The following NCALD variants were observed in gnomAD, a reference collection of about 807,000 sequenced individuals.
NCALD encodes the protein neurocalcin-delta.
Under a neutral mutation model 18.6 loss-of-function variants are expected in NCALD, and 10 were observed. That is an observed-to-expected ratio of 0.54 (90% CI 0.33 to 0.91). The LOEUF (loss-of-function observed/expected upper bound fraction) is 0.91. NCALD is among the 40% of genes least tolerant of loss of function. The pLI, the probability that NCALD is intolerant of heterozygous loss-of-function variation, is 0.03. For synonymous variants in NCALD, 88 were observed against 87.4 expected (o/e 1.01, Z -0.04); for missense variants, 184 against 247.6 (o/e 0.74, Z 1.72).
intron 4 of NCALD, among the ~76,000 whole-genome samples, chr8:101,819,329 A>C (rs1005192093): frequency 1.3e-5 from 2 of 151,498 alleles, no homozygotes; most frequent in South Asian, 2.1e-4. Flanking sequence ...TAAATGCCAA[A>C]TAGTAGCTTA....
intron 2 of NCALD, among the ~76,000 whole-genome samples, chr8:101,923,896 T>G (rs1190566835): frequency 6.6e-6 from 1 of 152,208 alleles, no homozygotes; most frequent in Non-Finnish European, 1.5e-5. Flanking sequence ...GGGCTGATAA[T>G]GTTATTAGAA....
intron 2 of NCALD, among the ~76,000 whole-genome samples, chr8:102,006,118 A>G (rs1821702228): frequency 6.6e-6 from 1 of 152,146 alleles, no homozygotes; most frequent in African/African-American, 2.4e-5. Flanking sequence ...GTCGCTCTCA[A>G]AATCCATGAT....
chr8:101,989,303 C>T lies in NCALD; in HGVS notation c.-157+30934G>A, dbSNP rs117387323. On this transcript the variant is annotated intron_variant, in intron 2 of 6. Coordinates refer to the NCALD transcript ENST00000311028. The stretch of plus-strand genomic sequence containing the variant: ...GGCCCTGGATGTATTCACTACAGCC[C>T]TTTGAAAAATATTCTGGCAATGTGT... 3.2e-3 allele frequency among the ~76,000 whole-genome samples: 492 copies of T among 152,256 alleles called. 3 individuals carry two copies. Among genetic ancestry groups the T allele is most frequent in the Non-Finnish European group, 5.2e-3 (356 of 68,020 alleles).
At chr8:101,861,229 A>T (rs1343347359) in intron 4 of NCALD, among the ~76,000 whole-genome samples, 1 of 152,034 alleles carries the variant, frequency 6.6e-6, no homozygotes, top group Non-Finnish European at 1.5e-5. Flanking sequence ...GAAAACTAAT[A>T]TGGGCAACTT....
At chr8:101,841,287 G>C (rs1486689570) in intron 4 of NCALD, among the ~76,000 whole-genome samples, 1 of 152,162 alleles carries the variant, frequency 6.6e-6, no homozygotes, top group Non-Finnish European at 1.5e-5. Flanking sequence ...CTCACAGGGA[G>C]GCTGTGAGAA....
chr8:101,757,281 C>T (rs1004653498), intron 1 of NCALD, among the ~76,000 whole-genome samples: 1 of 152,176 alleles, frequency 6.6e-6, no homozygotes, highest in Non-Finnish European at 1.5e-5. Flanking sequence ...GTACTAGTTT[C>T]TCTTTTAAAA....
chr8:101,823,737 T>C (rs1027653060), intron 4 of NCALD, among the ~76,000 whole-genome samples: 9 of 152,226 alleles, frequency 5.9e-5, no homozygotes, highest in African/African-American at 1.2e-4. Context: ...AAGATCACAA[T>C]GTAGCAAAGC....
intron 1 of NCALD, among the ~76,000 whole-genome samples, chr8:101,769,686 T>C (rs1261671071): frequency 6.6e-6 from 1 of 152,090 alleles, no homozygotes; most frequent in Non-Finnish European, 1.5e-5. Flanking sequence ...TGCAACGGCA[T>C]CTTTCACCAG....
At position 101,688,805 on chromosome 8, in the gene NCALD, T is replaced by C. The variant is rs1814574953; in HGVS notation, c.*504A>G. 1.6e-6 allele frequency: 1 copy of C among 619,364 alleles called. No individual in the cohort carries two copies. The highest frequency in any genetic ancestry group is 3.0e-6 in the Non-Finnish European group (1 of 334,754). 38.4% of individuals were successfully genotyped at this position (619,364 alleles called of 1,614,324 possible). On this transcript the variant is annotated 3_prime_UTR_variant, in exon 4 of 4. Transcript: ENST00000220931. ...AGGGGAGTGGGCCCCCATGGGGAAA[T>C]GTCCCAGCTCGCTGGAATAGCCTCA...
intron 1 of NCALD, among the ~76,000 whole-genome samples, chr8:101,725,452 C>T (rs1816531193): frequency 6.6e-6 from 1 of 152,192 alleles, no homozygotes; most frequent in Non-Finnish European, 1.5e-5. Flanking sequence ...ATAAAATCCT[C>T]CACATTTATC....
At chr8:101,843,828 C>T (rs537662364) in intron 4 of NCALD, among the ~76,000 whole-genome samples, 25 of 152,188 alleles carry the variant, frequency 1.6e-4, no homozygotes, top group Admixed American at 7.8e-4. Flanking sequence ...GTTATCTACC[C>T]GACTCAGCCT....
At chr8:101,823,695 C>A (rs1813815004) in intron 4 of NCALD, among the ~76,000 whole-genome samples, 1 of 152,154 alleles carries the variant, frequency 6.6e-6, no homozygotes, top group Non-Finnish European at 1.5e-5. Flanking sequence ...TCAAGACTAT[C>A]CTCAGGATGT....
At chr8:101,932,240 G>C (rs1353610629) in intron 2 of NCALD, among the ~76,000 whole-genome samples, 4 of 152,182 alleles carry the variant, frequency 2.6e-5, no homozygotes, top group Non-Finnish European at 5.9e-5. Flanking sequence ...ATGCAGCCAG[G>C]CAGCAGAGGA....
At chr8:101,938,199 A>G (rs1436447052) in intron 2 of NCALD, among the ~76,000 whole-genome samples, 2 of 152,246 alleles carry the variant, frequency 1.3e-5, no homozygotes, top group African/African-American at 4.8e-5. Context: ...TCATTTTGAC[A>G]TAATATTAGC....
At chr8:101,886,125 C>T (rs1357782134) in intron 4 of NCALD, among the ~76,000 whole-genome samples, 1 of 152,170 alleles carries the variant, frequency 6.6e-6, no homozygotes, top group Non-Finnish European at 1.5e-5. Flanking sequence ...TCAAATATTT[C>T]ATTACTCTTC....
At chr8:102,032,101 C>T (rs1822694260) in intron 1 of NCALD, among the ~76,000 whole-genome samples, 1 of 152,132 alleles carries the variant, frequency 6.6e-6, no homozygotes, top group Non-Finnish European at 1.5e-5. Flanking sequence ...CTGAGCTGCC[C>T]ACCATAAACT....
At chr8:101,742,438 T>C (rs977258770) in intron 1 of NCALD, among the ~76,000 whole-genome samples, 3 of 152,214 alleles carry the variant, frequency 2.0e-5, no homozygotes, top group African/African-American at 7.2e-5. Flanking sequence ...CTGAGTCAAT[T>C]GCTTATTTCT....
intron 1 of NCALD, among the ~76,000 whole-genome samples, chr8:101,772,993 T>G (rs1380514019): frequency 6.6e-6 from 1 of 152,154 alleles, no homozygotes; most frequent in African/African-American, 2.4e-5. Flanking sequence ...CCCCAAAAAT[T>G]ATGAAGTAGT....
chr8:101,957,374 G>A (rs1327223085), intron 2 of NCALD, among the ~76,000 whole-genome samples: 13 of 133,718 alleles, frequency 9.7e-5, no homozygotes, highest in Non-Finnish European at 1.5e-4. Flanking sequence ...GTTGCCCTCC[G>A]CAGCCAAAGA....
Sources: gnomAD v4.1 joint callset for allele counts (sites outside exome capture counted in the v4.1 genomes callset) on GRCh38, gnomAD v4.1.1 for gene constraint, MANE v1.5 for transcripts, NCBI Gene and HGNC (gene_info 2026-07-23, HGNC 2026-07-21) for gene names.